The following NTN1 variants were observed in gnomAD, a reference collection of about 807,000 sequenced individuals.
NTN1 encodes netrin 1, also known as netrin-1.
In NTN1, 11 loss-of-function variants were observed where a neutral mutation model predicts 54.2. The ratio of observed to expected loss-of-function variants is 0.20; its 90% CI spans 0.13 to 0.34. The LOEUF is 0.34. Ranked by LOEUF, NTN1 falls within the 10% of genes least tolerant of loss-of-function variation. The probability of loss-of-function intolerance (pLI) is 1.00; values close to 1 mark genes in which losing one functional copy is unlikely to be tolerated. For synonymous variants in NTN1, 371 were observed against 382.0 expected, an observed-to-expected ratio of 0.97 and a Z score of 0.33; for missense variants, 740 against 893.1, an observed-to-expected ratio of 0.83 and a Z score of 2.18.
chr17:9,063,696 C>T (rs1375391133), intron 2 of NTN1, among the ~76,000 whole-genome samples: 4 of 152,088 alleles, frequency 2.6e-5, no homozygotes, highest in East Asian at 1.9e-4. Context: ...TGCAGGTGCC[C>T]GCCACCACGC....
At chr17:9,125,886 C>T (rs909079402) in intron 2 of NTN1, among the ~76,000 whole-genome samples, 7 of 152,202 alleles carry the variant, frequency 4.6e-5, no homozygotes, top group African/African-American at 1.4e-4. Context: ...CTGTGCTGGG[C>T]TCTTTATCAC....
At chr17:9,115,688 G>T (rs2092209334) in intron 2 of NTN1, among the ~76,000 whole-genome samples, 1 of 152,230 alleles carries the variant, frequency 6.6e-6, no homozygotes, top group South Asian at 2.1e-4. Context: ...CCCGGGGCGG[G>T]GACAAACGGC....
chr17:9,204,188 C>T (rs981556741), intron 5 of NTN1, among the ~76,000 whole-genome samples: 6 of 146,560 alleles, frequency 4.1e-5, no homozygotes, highest in Admixed American at 4.0e-4. Context: ...TCCTTCCTTC[C>T]TTCCCTCCTT....
intron 4 of NTN1, among the ~76,000 whole-genome samples, chr17:9,181,915 CTT>C (rs1442230534): frequency 2.6e-5 from 4 of 152,214 alleles, no homozygotes; most frequent in Non-Finnish European, 1.5e-5. Flanking sequence ...AACCGCCTCT[CTT>C]TTCTTGAGCA....
At position 9,211,718 on chromosome 17, in the gene NTN1, A is replaced by G. The variant is rs547039646; in HGVS notation, c.1412-9450A>G. Reference sequence around the variant, plus strand: ...TGTGAGTGTGTGTATGCTTGCCTTCACCAGTTTGCTAGGCAGAAGCGCTAT... The same window carrying G: ...TGTGAGTGTGTGTATGCTTGCCTTCGCCAGTTTGCTAGGCAGAAGCGCTAT... On this transcript the variant is annotated intron_variant, in intron 5 of 6. Coordinates refer to ENST00000173229, the MANE Select transcript of NTN1 (RefSeq NM_004822.3). The surrounding 1 kb of genome is among the most constrained non-coding windows in gnomAD (Gnocchi z 4.4). Among the ~76,000 whole-genome samples the G allele has an allele frequency of 6.6e-6, 1 of 152,236 alleles. No individual in the cohort carries two copies. The highest frequency in any genetic ancestry group is 1.9e-4 in the East Asian group (1 of 5,182).
At chr17:9,163,321 C>T (rs906427953) in intron 3 of NTN1, among the ~76,000 whole-genome samples, 1 of 152,270 alleles carries the variant, frequency 6.6e-6, no homozygotes, top group Non-Finnish European at 1.5e-5. Context: ...CTCCCCTCCC[C>T]CTCCTGGGCT....
chr17:9,234,978 T>TTTC (rs1905934907), intron 6 of NTN1, among the ~76,000 whole-genome samples: 1 of 150,772 alleles, frequency 6.6e-6, no homozygotes. Context: ...TTTTTTTTTT[T>TTTC]TGAGATGGAG....
chr17:9,067,646 C>T (rs1430468600), intron 2 of NTN1, among the ~76,000 whole-genome samples: 1 of 152,192 alleles, frequency 6.6e-6, no homozygotes, highest in Admixed American at 6.5e-5. Context: ...CCTTCTTGGT[C>T]TGTCCCAACC....
At chr17:9,008,315 G>C in the NTN1 span, among the ~76,000 whole-genome samples, 2 of 151,670 alleles carry the variant, frequency 1.3e-5, no homozygotes, top group African/African-American at 4.8e-5. Flanking sequence ...TAATTAATTA[G>C]TTTATTTATT....
At chr17:9,005,211 G>T in the NTN1 span, among the ~76,000 whole-genome samples, 1 of 152,204 alleles carries the variant, frequency 6.6e-6, no homozygotes, top group East Asian at 1.9e-4. Flanking sequence ...TGGCTTTCGG[G>T]TTCTGATATC....
intron 2 of NTN1, among the ~76,000 whole-genome samples, chr17:9,087,551 G>A (rs557840826): frequency 6.6e-6 from 1 of 152,312 alleles, no homozygotes; most frequent in South Asian, 2.1e-4. Context: ...AGCTGAGAAG[G>A]GGGAGACTGA....
At chr17:9,144,836 C>A (rs1397570517) in intron 2 of NTN1, among the ~76,000 whole-genome samples, 1 of 152,186 alleles carries the variant, frequency 6.6e-6, no homozygotes, top group Admixed American at 6.5e-5. Flanking sequence ...TTGCATTTGT[C>A]AAGTTAATTT....
intron 4 of NTN1, among the ~76,000 whole-genome samples, chr17:9,180,625 C>T (rs1161112587): frequency 3.3e-5 from 5 of 152,174 alleles, no homozygotes; most frequent in African/African-American, 4.8e-5. Context: ...GCCGGAATGC[C>T]GGCATTCCCC....
At chr17:9,185,875 G>T (rs2092431771) in intron 5 of NTN1, among the ~76,000 whole-genome samples, 1 of 152,212 alleles carries the variant, frequency 6.6e-6, no homozygotes, top group African/African-American at 2.4e-5. Flanking sequence ...GAGACCTGGG[G>T]TTTGCCCTGC....
chr17:9,012,435 C>G, the NTN1 span, among the ~76,000 whole-genome samples: 1 of 151,688 alleles, frequency 6.6e-6, no homozygotes, highest in South Asian at 2.1e-4. Context: ...CACTTGAACC[C>G]GGGAGGCGGA....
intron 2 of NTN1, among the ~76,000 whole-genome samples, chr17:9,052,220 C>T (rs2091963055): frequency 6.6e-6 from 1 of 152,166 alleles, no homozygotes; most frequent in African/African-American, 2.4e-5. Context: ...ATCTGCCTGC[C>T]CCGGCCTCCC....
intron 2 of NTN1, among the ~76,000 whole-genome samples, chr17:9,118,249 G>C (rs1056573950): frequency 6.6e-6 from 1 of 152,216 alleles, no homozygotes; most frequent in Non-Finnish European, 1.5e-5. Context: ...GCCGGGCGCG[G>C]TGGCTCACGC....
At chr17:9,177,989 G>A (rs929885457) in intron 3 of NTN1, among the ~76,000 whole-genome samples, 3 of 152,216 alleles carry the variant, frequency 2.0e-5, no homozygotes, top group East Asian at 3.9e-4. Context: ...GAGGTCAGGA[G>A]TTCGAGACCA....
At chr17:9,174,030 C>G (rs1357064063) in intron 3 of NTN1, 1 of 152,622 alleles carries the variant, frequency 6.6e-6, no homozygotes, top group South Asian at 2.1e-4. Flanking sequence ...CTTCTCTGAC[C>G]TCGTGCCAGC....
Sources: allele counts gnomAD v4.1 joint callset (sites outside exome capture counted in the v4.1 genomes callset), GRCh38; gene constraint gnomAD v4.1.1; non-coding constraint Gnocchi (gnomAD v3.1); transcripts MANE v1.5; gene names NCBI Gene and HGNC (gene_info 2026-07-23, HGNC 2026-07-21).